ACOX3: variants seen among roughly 807,000 people sequenced by gnomAD.
ACOX3 encodes the protein acyl-CoA oxidase 3, pristanoyl, also known as peroxisomal acyl-coenzyme A oxidase 3.
Under a neutral mutation model 81.5 loss-of-function variants are expected in ACOX3, and 73 were observed. The observed-to-expected ratio is 0.90, with a 90% CI of 0.74 to 1.09. The LOEUF (loss-of-function observed/expected upper bound fraction) is 1.09. ACOX3 is among the 50% of genes least tolerant of loss of function. ACOX3 has a pLI of 0.00. For missense variants in ACOX3, 947 were observed against 928.0 expected (o/e 1.02, Z -0.27); for synonymous variants, 387 against 375.1 (o/e 1.03, Z -0.37).
the ACOX3 span, chr4:8,356,857 G>A: frequency 2.2e-6 from 1 of 456,000 alleles, no homozygotes; most frequent in South Asian, 1.6e-5. Flanking sequence ...GTGCAGAACG[G>A]TGCACACTAA....
chr4:8,382,700 A>T lies in ACOX3; in HGVS notation c.1538-1093T>A, dbSNP rs1717821525. Among the ~76,000 whole-genome samples the T allele has an allele frequency of 6.6e-6, 1 of 152,204 alleles. No individual in the cohort carries two copies. The highest frequency in any genetic ancestry group is 1.5e-5 in the Non-Finnish European group (1 of 68,036). ...CACAGCCCAGGTCACTGGGAAGAAAATACCCAACGTTGCTGGGCGCAGTGG... is the reference window on the plus strand; with the variant it reads ...CACAGCCCAGGTCACTGGGAAGAAATTACCCAACGTTGCTGGGCGCAGTGG... On this transcript the variant is annotated intron_variant, in intron 13 of 17. Transcript: ENST00000356406. This position sits in a 1 kb window ranked among gnomAD's most constrained non-coding sequence, Gnocchi z 4.1.
rs1384802654 is a variant in ACOX3 at position 8,385,099 on chromosome 4, T to C, written c.1538-3492A>G. Among the ~76,000 whole-genome samples, 2 of 152,052 alleles carry C rather than the reference T, an allele frequency of 1.3e-5. No individual in the cohort carries two copies. The highest frequency in any genetic ancestry group is 3.9e-4 in the East Asian group (2 of 5,148). On this transcript the variant is annotated intron_variant, in intron 13 of 17. Coordinates refer to ENST00000356406, the MANE Select transcript of ACOX3 (RefSeq NM_003501.3). The surrounding 1 kb of genome is among the most constrained non-coding windows in gnomAD (Gnocchi z 5.5). The stretch of plus-strand genomic sequence containing the variant: ...GGGTGACCGCATTCCCTCCCCACTG[T>C]CTCGCAGAAGGAAAACAGGCTCAGA...
rs200971872 is a variant in ACOX3 at position 8,370,907 on chromosome 4, C to T, written c.1983+1G>A. ...CCCGTGAGGCCCTGTCCTCCCTTTA[C>T]CTCGCCGTCGGCTCTGCCAATCGGT... On this transcript the variant is annotated splice_donor_variant, in intron 17 of 17. Coordinates refer to ENST00000356406, the MANE Select transcript of ACOX3 (RefSeq NM_003501.3). LOFTEE classifies it high-confidence loss of function. This position sits in a 1 kb window ranked among gnomAD's most constrained non-coding sequence, Gnocchi z 6.3. 1 of 1,613,606 alleles carries T rather than the reference C, an allele frequency of 6.2e-7. No individual in the cohort carries two copies. Among genetic ancestry groups the T allele is most frequent in the Non-Finnish European group, 8.5e-7 (1 of 1,179,900 alleles).
rs557993654 is a variant in ACOX3 at position 8,377,585 on chromosome 4, G to A, written c.1654-2433C>T. ...AAGCGCCTGCGATGGCAGCTCTACT[G>A]TACTCAACGGCATCTCAGTCCCCAG... On this transcript the variant is annotated intron_variant, in intron 14 of 17. Coordinates refer to ENST00000356406, the MANE Select transcript of ACOX3 (RefSeq NM_003501.3). Among the ~76,000 whole-genome samples the A allele has an allele frequency of 4.6e-5, 7 of 152,330 alleles. 1 individual carries two copies. In the Middle Eastern group the frequency reaches 0.02, roughly 444 times the overall value.
chr4:8,408,890 CT>C (rs1560193569), intron 6 of ACOX3, among the ~76,000 whole-genome samples: 2 of 43,922 alleles, frequency 4.6e-5, no homozygotes, highest in African/African-American at 2.1e-4. Context: ...TGAGCCCTCA[CT>C]GGGGGGGGGG....
At chr4:8,403,031 T>C (rs1289936934) in intron 7 of ACOX3, among the ~76,000 whole-genome samples, 2 of 152,118 alleles carry the variant, frequency 1.3e-5, no homozygotes, top group Non-Finnish European at 1.5e-5. Context: ...ACCCTTAAGG[T>C]GCAGCCCACC....
chr4:8,414,345 C>G lies in ACOX3; in HGVS notation c.490G>C (p.Gly164Arg). The change falls in exon 5 of 18, where the codon GGC (glycine) becomes CGC (arginine). Residue 164 changes from glycine (G) to arginine (R), a missense_variant. Coordinates refer to ENST00000356406, the MANE Select transcript of ACOX3 (RefSeq NM_003501.3). This position sits in a 1 kb window ranked among gnomAD's most constrained non-coding sequence, Gnocchi z 6.1. ...GTGCGAATGGCCTTGGTATTACTGC[C>G]GTGGCTTAATTCGGTCAGAGCAAAA... The part of the protein sequence containing the change: ...GCFALTELSH[G>R]SNTKAIRTTA... 6.2e-7 allele frequency: 1 copy of G among 1,614,092 alleles called. No homozygotes were observed. The highest frequency in any genetic ancestry group is 8.5e-7 in the Non-Finnish European group (1 of 1,180,022).
In ACOX3 at chr4:8,386,966, C is replaced by T. The variant is rs1269027325; in HGVS notation, c.1537+2207G>A. 1.3e-5 allele frequency among the ~76,000 whole-genome samples: 2 copies of T among 152,260 alleles called. No homozygotes were observed. The highest frequency in any genetic ancestry group is 4.8e-5 in the African/African-American group (2 of 41,478). On this transcript the variant is annotated intron_variant, in intron 13 of 17. Coordinates refer to ENST00000356406, the MANE Select transcript of ACOX3 (RefSeq NM_003501.3). The surrounding 1 kb of genome is among the most constrained non-coding windows in gnomAD (Gnocchi z 5.2). ...CGCGTCCTCCATGTGTGCCTGTCCC[C>T]TGCATGAGGGAGGCCAGTGCTCCCT...
chr4:8,401,037 T>TA (rs1212636748), intron 7 of ACOX3, among the ~76,000 whole-genome samples: 1 of 151,898 alleles, frequency 6.6e-6, no homozygotes, highest in East Asian at 1.9e-4. Flanking sequence ...CATCAGGTAT[T>TA]AGATTCTCAT....
chr4:8,379,714 G>A (rs1717401133), intron 14 of ACOX3, among the ~76,000 whole-genome samples: 3 of 152,154 alleles, frequency 2.0e-5, no homozygotes, highest in African/African-American at 7.2e-5. Context: ...TAGGAAGGGG[G>A]TCCTTTTGTG....
At chr4:8,412,797 C>G (rs908839438) in intron 5 of ACOX3, among the ~76,000 whole-genome samples, 6 of 151,994 alleles carry the variant, frequency 3.9e-5, no homozygotes, top group Non-Finnish European at 7.4e-5. Context: ...GAGGACCCTC[C>G]CCATCCTCCC....
At position 8,386,515 on chromosome 4, in the gene ACOX3, G is replaced by A. The variant is rs1718318002; in HGVS notation, c.1537+2658C>T. 6.7e-6 allele frequency among the ~76,000 whole-genome samples: 1 copy of A among 148,750 alleles called. No individual in the cohort carries two copies. Among genetic ancestry groups the A allele is most frequent in the Non-Finnish European group, 1.5e-5 (1 of 67,616 alleles). ...TGGGAGGTGGAGCTTGCAGTGAGCC[G>A]AGATCATACCACTGCACTCCAGCCT... On this transcript the variant is annotated intron_variant, in intron 13 of 17. Transcript: ENST00000356406. This position sits in a 1 kb window ranked among gnomAD's most constrained non-coding sequence, Gnocchi z 5.2.
intron 16 of ACOX3, among the ~76,000 whole-genome samples, chr4:8,372,296 C>T (rs1716312506): frequency 6.6e-6 from 1 of 152,190 alleles, no homozygotes; most frequent in Non-Finnish European, 1.5e-5. Context: ...GATGAAGTCT[C>T]ACTACGTTGC....
At chr4:8,366,146 C>G (rs1715421570), downstream of ACOX3, 1 of 152,316 alleles carries the variant, frequency 6.6e-6, no homozygotes, top group South Asian at 2.1e-4. Flanking sequence ...CTGCAGGGAG[C>G]AGGAGTGACC....
At chr4:8,383,342 G>C (rs1474950287) in intron 13 of ACOX3, among the ~76,000 whole-genome samples, 2 of 152,256 alleles carry the variant, frequency 1.3e-5, no homozygotes, top group Non-Finnish European at 1.5e-5. Flanking sequence ...CCCCACAGCT[G>C]TGAATGTGAC....
chr4:8,396,327 G>A (rs567840168), intron 9 of ACOX3, among the ~76,000 whole-genome samples: 16 of 152,204 alleles, frequency 1.1e-4, no homozygotes, highest in African/African-American at 3.4e-4. Flanking sequence ...AAGCTGTGGC[G>A]GCCTCACCTG....
intron 1 of ACOX3, among the ~76,000 whole-genome samples, chr4:8,435,850 C>A (rs1035644290): frequency 1.3e-5 from 2 of 152,212 alleles, no homozygotes; most frequent in African/African-American, 4.8e-5. Context: ...TATGGCCCAG[C>A]CTACCCCCCT....
Position 8,405,833 on chromosome 4 carries a change from C to T in ACOX3, c.776+122G>A, listed in dbSNP as rs998584195. The T allele has an allele frequency of 1.1e-5, 11 of 1,007,670 alleles. No homozygotes were observed. The highest frequency in any genetic ancestry group is 3.0e-4 in the Middle Eastern group (1 of 3,340). 62.4% of individuals were successfully genotyped at this position (1,007,670 alleles called of 1,614,324 possible). A position where few individuals can be genotyped will look rare whatever the true frequency, so the allele number is the denominator to read the frequency against. On this transcript the variant is annotated intron_variant, in intron 7 of 17. Transcript: ENST00000356406. This position sits in a 1 kb window ranked among gnomAD's most constrained non-coding sequence, Gnocchi z 7.1. The stretch of plus-strand genomic sequence containing the variant: ...ACGGGGGCTAGGCGTAGGTCCCCAC[C>T]GCATTTGAGTCTAAGAGGGCAGGGC...
rs146175504 is a variant in ACOX3 at position 8,381,057 on chromosome 4, C to T, written c.1653+435G>A. On this transcript the variant is annotated intron_variant, in intron 14 of 17. Coordinates refer to ENST00000356406, the MANE Select transcript of ACOX3 (RefSeq NM_003501.3). This position sits in a 1 kb window ranked among gnomAD's most constrained non-coding sequence, Gnocchi z 4.3. ...GAACCAAAGCGCTTTCCAAGGCCAA[C>T]GATGACCCACTCACCATTGCCACCC... Among the ~76,000 whole-genome samples the T allele has an allele frequency of 6.6e-5, 10 of 152,286 alleles. No individual in the cohort carries two copies. The highest frequency in any genetic ancestry group is 4.6e-4 in the Admixed American group (7 of 15,302).
Sources: gnomAD v4.1 joint callset for allele counts (sites outside exome capture counted in the v4.1 genomes callset) on GRCh38, gnomAD v4.1.1 for gene constraint, Gnocchi (gnomAD v3.1) non-coding constraint, MANE v1.5 for transcripts, NCBI Gene and HGNC (gene_info 2026-07-23, HGNC 2026-07-21) for gene names.